Variants in RTL1 observed in about 807,000 individuals in gnomAD.
The protein encoded by RTL1 is retrotransposon Gag like 1.
For synonymous variants in RTL1, 727 were observed against 748.4 expected (o/e 0.97, Z 0.47); for missense variants, 1,681 against 1,767.5 (o/e 0.95, Z 0.88).
chr14:100,881,835 G>T lies in RTL1; in HGVS notation c.2954C>A (p.Pro985Gln), dbSNP rs761583709. ...SHFNFDVMEL[P>Q]EQDGGRALPP... The stretch of plus-strand genomic sequence containing the variant: ...CAGAGCTCGGCCGCCGTCTTGTTCT[G>T]GCAGCTCCATGACGTCAAAGTTGAA... The change falls in exon 4 of 4, where the codon CCA (proline) becomes CAA (glutamine). Residue 985 changes from proline (P) to glutamine (Q), a missense_variant. Physicochemically the swap from Pro to Gln is moderately conservative, Grantham distance 76. Coordinates refer to ENST00000649591, the MANE Select transcript of RTL1 (RefSeq NM_001134888.3). The surrounding 1 kb of genome is among the most constrained non-coding windows in gnomAD (Gnocchi z 6.6). The T allele has an allele frequency of 6.2e-7, 1 of 1,613,890 alleles. No individual in the cohort carries two copies. The highest frequency in any genetic ancestry group is 8.5e-7 in the Non-Finnish European group (1 of 1,180,036).
intron 3 of RTL1, among the ~76,000 whole-genome samples, chr14:100,891,397 C>T (rs1177591039): frequency 6.6e-6 from 1 of 152,190 alleles, no homozygotes; most frequent in Non-Finnish European, 1.5e-5. Context: ...GAAGGAGGAA[C>T]AGGGAGTTAC....
At position 100,884,655 on chromosome 14, in the gene RTL1, G is replaced by A. The variant is rs780039857; in HGVS notation, c.134C>T (p.Ala45Val). ...ATSGSGVRGE[A>V]GPASGPAQEK... ...CTGGGCTGGGCCGCTGGCTGGCCCT[G>A]CCTCTCCCCGCACTCCACTGCCCGA... The change falls in exon 4 of 4, where the codon GCA becomes GTA. Residue 45 changes from alanine (A) to valine (V), a missense_variant. Coordinates refer to ENST00000649591, the MANE Select transcript of RTL1 (RefSeq NM_001134888.3). 6.2e-7 allele frequency: 1 copy of A among 1,613,586 alleles called. No individual in the cohort carries two copies. The highest frequency in any genetic ancestry group is 1.7e-5 in the Admixed American group (1 of 59,994).
chr14:100,891,307 A>T (rs1208385519), intron 3 of RTL1, among the ~76,000 whole-genome samples: 5 of 152,076 alleles, frequency 3.3e-5, no homozygotes, highest in Non-Finnish European at 7.4e-5. Flanking sequence ...CTCTTCCCCT[A>T]TGGTCTGGAC....
At chr14:100,897,802 C>T (rs1444430140) in intron 2 of RTL1, 2 of 135,876 alleles carry the variant, frequency 1.5e-5, no homozygotes, top group Admixed American at 7.8e-5. Flanking sequence ...GAATTGGTGG[C>T]GGCAGGTGTA....
At chr14:100,901,773 GTCCCCACC>G (rs958127313) in intron 2 of RTL1, among the ~76,000 whole-genome samples, 1 of 152,140 alleles carries the variant, frequency 6.6e-6, no homozygotes, top group Non-Finnish European at 1.5e-5. Context: ...CAGCAGGACA[GTCCCCACC>G]TCCCCCCACC....
Position 100,897,833 on chromosome 14 carries a change from T to C in RTL1, c.-148-4328A>G. 1.5e-5 allele frequency: 4 copies of C among 270,532 alleles called. 1 individual carries two copies. Among genetic ancestry groups the C allele is most frequent in the Admixed American group, 1.2e-4 (4 of 33,298 alleles). 16.8% of individuals were successfully genotyped at this position (270,532 alleles called of 1,614,324 possible). A position where few individuals can be genotyped will look rare whatever the true frequency, so the allele number is the denominator to read the frequency against. On this transcript the variant is annotated intron_variant, in intron 2 of 3. Coordinates refer to ENST00000649591, the MANE Select transcript of RTL1 (RefSeq NM_001134888.3). Reference sequence around the variant, plus strand: ...GTGTAAGTAATTGCTGAGATTTGGGTTTGGGGAGTGGGCTCACGAGTGTTT... The same window carrying C: ...GTGTAAGTAATTGCTGAGATTTGGGCTTGGGGAGTGGGCTCACGAGTGTTT...
rs1396077682 is a variant in RTL1 at position 100,884,765 on chromosome 14, TGA to T, written c.22_23del (p.Ser8IlefsTer2). On this transcript the variant is annotated frameshift_variant, in exon 4 of 4. Coordinates refer to ENST00000649591, the MANE Select transcript of RTL1 (RefSeq NM_001134888.3). LOFTEE classifies it low-confidence loss of function (END_TRUNC). ...TCTTATGCTCCATCATCGTCTCAAA[TGA>T]GTCTTCAGAGGGTTCTATCATTTCG... The part of the protein sequence containing the change: MIEPSED[S>X]FETMMEHKNP... 1.9e-6 allele frequency: 3 copies of T among 1,589,620 alleles called. No individual in the cohort carries two copies. In the South Asian group the frequency reaches 3.4e-5, roughly 18 times the overall value.
rs1020808500 is a variant in RTL1 at position 100,883,681 on chromosome 14, G to A, written c.1108C>T (p.Leu370=). The stretch of plus-strand genomic sequence containing the variant: ...TTCCGGGGGCGGGCCTCGGGGGGCA[G>A]CCTGAGCATAGCTCTTCTCTCTGCC... ...KLAERRAMLR[L]PPEARPRNLT... Residue 370 remains leucine (L), a synonymous_variant, in exon 4 of 4, where the codon CTG becomes TTG. Transcript: ENST00000649591. The surrounding 1 kb of genome is among the most constrained non-coding windows in gnomAD (Gnocchi z 5.9). 31 of 1,551,472 alleles carry A rather than the reference G, an allele frequency of 2.0e-5. No individual in the cohort carries two copies. The highest frequency in any genetic ancestry group is 2.5e-5 in the Non-Finnish European group (29 of 1,147,000).
chr14:100,900,936 G>A (rs140446969), intron 2 of RTL1, among the ~76,000 whole-genome samples: 1 of 152,268 alleles, frequency 6.6e-6, no homozygotes, highest in African/African-American at 2.4e-5. Context: ...CAAAAACAGA[G>A]GCTCCCGAGA....
chr14:100,896,301 G>A (rs1285440609), intron 2 of RTL1, among the ~76,000 whole-genome samples: 1 of 152,176 alleles, frequency 6.6e-6, no homozygotes. Context: ...AGAGGGTAAA[G>A]AAGTTCTCGA....
In RTL1 at chr14:100,881,474, G is replaced by A. The variant is rs1352206554; in HGVS notation, c.3315C>T (p.Leu1105=). The A allele has an allele frequency of 6.4e-7, 1 of 1,551,228 alleles. No individual in the cohort carries two copies. The highest frequency in any genetic ancestry group is 1.2e-5 in the South Asian group (1 of 84,060). Residue 1105 remains leucine, a synonymous_variant, in exon 4 of 4, where the codon CTC becomes CTT. Transcript: ENST00000649591. The surrounding 1 kb of genome is among the most constrained non-coding windows in gnomAD (Gnocchi z 6.6). ...GCATGGCGGGTGCCGGCCGCAGCGAGAGGCATTGCCTCACGCGCAGTAGCA... is the reference window on the plus strand; with the variant it reads ...GCATGGCGGGTGCCGGCCGCAGCGAAAGGCATTGCCTCACGCGCAGTAGCA... ...ILVLLRVRQC[L]SLRPAPAMRV...
chr14:100,880,088 A>G lies in RTL1; in HGVS notation c.*624T>C, dbSNP rs1595331879. On this transcript the variant is annotated 3_prime_UTR_variant, in exon 4 of 4. Coordinates refer to ENST00000649591, the MANE Select transcript of RTL1 (RefSeq NM_001134888.3). The stretch of plus-strand genomic sequence containing the variant: ...TCCAGGTAAGTCCAGAGCTCAGGGC[A>G]AGAGGAAGGCGGGGTCAAAAAAGCT... Among the ~76,000 whole-genome samples, 1 of 142,100 alleles carries G rather than the reference A, an allele frequency of 7.0e-6. No homozygotes were observed. Among genetic ancestry groups the G allele is most frequent in the African/African-American group, 2.6e-5 (1 of 38,836 alleles). The allele number at this position is 142,100 out of a possible 152,430, so 93.2% of individuals were successfully genotyped here.
intron 3 of RTL1, among the ~76,000 whole-genome samples, chr14:100,892,574 C>T (rs553018158): frequency 5.1e-4 from 77 of 152,274 alleles, no homozygotes; most frequent in African/African-American, 1.3e-3. Flanking sequence ...TTAATTTTCC[C>T]GTTAACCCCA....
chr14:100,881,346 T>C lies in RTL1; in HGVS notation c.3443A>G (p.Gln1148Arg). The C allele has an allele frequency of 1.9e-6, 3 of 1,550,542 alleles. No homozygotes were observed. Among genetic ancestry groups the C allele is most frequent in the Non-Finnish European group, 8.7e-7 (1 of 1,146,972 alleles). The part of the protein sequence containing the change: ...ITTAITQLLT[Q>R]MPALVGANTI... ...GTTTGCACCTACGAGAGCGGGCATCTGGGTGAGCAGCTGGGTGATGGCTGT... is the reference window on the plus strand; with the variant it reads ...GTTTGCACCTACGAGAGCGGGCATCCGGGTGAGCAGCTGGGTGATGGCTGT... The change falls in exon 4 of 4, where the codon CAG (glutamine) becomes CGG (arginine). Residue 1148 changes from glutamine (Q) to arginine (R), a missense_variant. By Grantham distance (43) the Gln-to-Arg change is conservative (BLOSUM62 1). Transcript: ENST00000649591. The surrounding 1 kb of genome is among the most constrained non-coding windows in gnomAD (Gnocchi z 6.6).
rs1480403967 is a variant in RTL1 at position 100,903,343 on chromosome 14, G to A, written c.-201C>T. The stretch of plus-strand genomic sequence containing the variant: ...GGCTGGGGATGAAGTGATGCCGGTG[G>A]CTTAGTGATGCCGGTGGCTTCCTGT... On this transcript the variant is annotated 5_prime_UTR_variant, in exon 2 of 4. Coordinates refer to ENST00000649591, the MANE Select transcript of RTL1 (RefSeq NM_001134888.3). Among the ~76,000 whole-genome samples the A allele has an allele frequency of 6.6e-6, 1 of 152,040 alleles. No individual in the cohort carries two copies. The highest frequency in any genetic ancestry group is 2.4e-5 in the African/African-American group (1 of 41,378).
chr14:100,880,642 G>T lies in RTL1; in HGVS notation c.*70C>A. On this transcript the variant is annotated 3_prime_UTR_variant, in exon 4 of 4. Coordinates refer to ENST00000649591, the MANE Select transcript of RTL1 (RefSeq NM_001134888.3). ...GCGAAGCAGGCTGAGGCGCGGGGAGGCCAGGGGACGTCGGGAGGTGTTGGG... is the reference window on the plus strand; with the variant it reads ...GCGAAGCAGGCTGAGGCGCGGGGAGTCCAGGGGACGTCGGGAGGTGTTGGG... 3 of 1,536,820 alleles carry T rather than the reference G, an allele frequency of 2.0e-6. No individual in the cohort carries two copies. Among genetic ancestry groups the T allele is most frequent in the Non-Finnish European group, 2.6e-6 (3 of 1,140,562 alleles).
intron 3 of RTL1, among the ~76,000 whole-genome samples, chr14:100,888,807 A>G (rs892006094): frequency 1.3e-5 from 2 of 152,178 alleles, no homozygotes; most frequent in African/African-American, 4.8e-5. Flanking sequence ...TATTCGCAAT[A>G]TTGATCATTT....
At position 100,881,456 on chromosome 14, in the gene RTL1, G is replaced by A. The variant is rs773849725; in HGVS notation, c.3333C>T (p.Pro1111=). Residue 1111 remains proline (P), a synonymous_variant, in exon 4 of 4, where the codon CCC becomes CCT. Coordinates refer to ENST00000649591, the MANE Select transcript of RTL1 (RefSeq NM_001134888.3). The surrounding 1 kb of genome is among the most constrained non-coding windows in gnomAD (Gnocchi z 6.6). ...VRQCLSLRPA[P]AMRVARPQPQ... ...GCTGGGGCCGAGCCACCCGCATGGC[G>A]GGTGCCGGCCGCAGCGAGAGGCATT... 58 of 1,550,560 alleles carry A rather than the reference G, an allele frequency of 3.7e-5. No individual in the cohort carries two copies. The highest frequency in any genetic ancestry group is 5.9e-5 in the Admixed American group (3 of 50,974).
rs776884006 is a variant in RTL1, at chr14:100,882,837, G to A, written c.1952C>T (p.Pro651Leu). 6.4e-6 allele frequency: 10 copies of A among 1,553,322 alleles called. No individual in the cohort carries two copies. The highest frequency in any genetic ancestry group is 2.0e-5 in the Admixed American group (1 of 51,110). ...TNRQDYIQMI[P>L]ELFDQLHGAE... The stretch of plus-strand genomic sequence containing the variant: ...TCCGTGTAACTGGTCAAACAGTTCC[G>A]GAATCATCTGTATGTAGTCCTGTCT... Residue 651 changes from proline to leucine, a missense_variant, in exon 4 of 4, where the codon CCG (proline) becomes CTG (leucine). Transcript: ENST00000649591.
Sources: gnomAD v4.1 joint callset for allele counts (sites outside exome capture counted in the v4.1 genomes callset) on GRCh38, gnomAD v4.1.1 for gene constraint, Gnocchi (gnomAD v3.1) non-coding constraint, MANE v1.5 for transcripts, NCBI Gene and HGNC (gene_info 2026-07-23, HGNC 2026-07-21) for gene names.